The following PDE4D variants were observed in gnomAD, a reference collection of about 807,000 sequenced individuals.
PDE4D encodes 3',5'-cyclic-AMP phosphodiesterase 4D.
PDE4D carries 24 observed loss-of-function variants against 87.4 expected under a neutral mutation model. The observed-to-expected ratio is 0.27, with a 90% confidence interval of 0.20 to 0.39. The LOEUF is 0.39. Among genes scored for constraint, PDE4D ranks in the 10% least tolerant of loss-of-function variants. The probability of loss-of-function intolerance (pLI) is 1.00; values close to 1 mark genes in which losing one functional copy is unlikely to be tolerated. For synonymous variants in PDE4D, 384 were observed against 383.2 expected (o/e 1.00, Z -0.02); for missense variants, 714 against 1,041.0 (o/e 0.69, Z 4.32).
chr5:59,703,381 C>A (rs998581483), intron 1 of PDE4D, among the ~76,000 whole-genome samples: 2 of 152,044 alleles, frequency 1.3e-5, no homozygotes, highest in African/African-American at 4.8e-5. Flanking sequence ...GACTTTCAGA[C>A]AATAATTAAC....
At chr5:59,312,520 ATAAT>A (rs1394458945) in intron 1 of PDE4D, among the ~76,000 whole-genome samples, 1 of 152,202 alleles carries the variant, frequency 6.6e-6, no homozygotes, top group Non-Finnish European at 1.5e-5. Flanking sequence ...CTAAACTACA[ATAAT>A]TAGCCACCAT....
At chr5:59,779,895 C>T (rs1764437214) in intron 1 of PDE4D, among the ~76,000 whole-genome samples, 1 of 152,154 alleles carries the variant, frequency 6.6e-6, no homozygotes, top group African/African-American at 2.4e-5. Context: ...TTAATAGAAA[C>T]TGCCAAATTG....
At chr5:59,348,956 C>T (rs1780063902) in intron 1 of PDE4D, among the ~76,000 whole-genome samples, 1 of 152,010 alleles carries the variant, frequency 6.6e-6, no homozygotes, top group Non-Finnish European at 1.5e-5. Context: ...TAGGGTGCAC[C>T]TGTAGTCCTA....
chr5:59,841,379 G>C (rs1742973023), intron 1 of PDE4D, among the ~76,000 whole-genome samples: 1 of 152,084 alleles, frequency 6.6e-6, no homozygotes, highest in African/African-American at 2.4e-5. Flanking sequence ...TTAAAAGACT[G>C]TCAGTGGGGT....
chr5:59,126,507 G>A (rs1361750650), intron 5 of PDE4D, among the ~76,000 whole-genome samples: 1 of 152,146 alleles, frequency 6.6e-6, no homozygotes, highest in Non-Finnish European at 1.5e-5. Flanking sequence ...AGCTACCTTT[G>A]TGTATTTGAA....
At chr5:59,262,894 C>A (rs1762267170) in intron 1 of PDE4D, among the ~76,000 whole-genome samples, 2 of 151,796 alleles carry the variant, frequency 1.3e-5, no homozygotes, top group East Asian at 3.9e-4. Flanking sequence ...GTCATTCGAG[C>A]AGTCAGAAAA....
intron 1 of PDE4D, among the ~76,000 whole-genome samples, chr5:59,722,120 A>G (rs1286723782): frequency 6.6e-6 from 1 of 152,206 alleles, no homozygotes; most frequent in Non-Finnish European, 1.5e-5. Flanking sequence ...GAATATTCCC[A>G]TACCCTATAA....
chr5:59,866,987 C>T (rs1175595519), intron 1 of PDE4D, among the ~76,000 whole-genome samples: 1 of 152,164 alleles, frequency 6.6e-6, no homozygotes, highest in Non-Finnish European at 1.5e-5. Flanking sequence ...TAAAAGTCCT[C>T]CTGAGCACGT....
intron 1 of PDE4D, among the ~76,000 whole-genome samples, chr5:60,448,084 A>G (rs1469272121): frequency 6.6e-6 from 1 of 152,072 alleles, no homozygotes; most frequent in Non-Finnish European, 1.5e-5. Context: ...AATCTATTTG[A>G]TTCAAAATTC....
At chr5:59,722,336 C>T (rs1164934667) in intron 1 of PDE4D, among the ~76,000 whole-genome samples, 1 of 152,148 alleles carries the variant, frequency 6.6e-6, no homozygotes, top group East Asian at 1.9e-4. Context: ...TACATTCATC[C>T]TTGGAGATGA....
At chr5:59,362,935 C>A (rs1173039495) in intron 1 of PDE4D, among the ~76,000 whole-genome samples, 4 of 152,116 alleles carry the variant, frequency 2.6e-5, no homozygotes, top group Admixed American at 2.0e-4. Flanking sequence ...ATCTGGTTAT[C>A]CATTTGTTGG....
intron 1 of PDE4D, among the ~76,000 whole-genome samples, chr5:59,745,445 T>G (rs1759466798): frequency 6.6e-6 from 1 of 152,194 alleles, no homozygotes; most frequent in Non-Finnish European, 1.5e-5. Flanking sequence ...AGTAAAGAAC[T>G]GTGTTGATGT....
intron 2 of PDE4D, among the ~76,000 whole-genome samples, chr5:60,185,139 G>A (rs1160328248): frequency 1.3e-5 from 2 of 152,114 alleles, no homozygotes; most frequent in African/African-American, 4.8e-5. Context: ...GCTCATAGAA[G>A]GGAAGAACTT....
intron 5 of PDE4D, among the ~76,000 whole-genome samples, chr5:59,121,023 T>C (rs1434821433): frequency 1.3e-5 from 2 of 152,134 alleles, no homozygotes; most frequent in Non-Finnish European, 2.9e-5. Flanking sequence ...AGCAGAAGAA[T>C]GAAAGTAGAC....
chr5:59,687,615 T>A (rs1294839555), intron 1 of PDE4D, among the ~76,000 whole-genome samples: 1 of 152,102 alleles, frequency 6.6e-6, no homozygotes, highest in Non-Finnish European at 1.5e-5. Context: ...TGCAAAAACA[T>A]GCCAAATTGT....
At chr5:59,538,280 A>G (rs1815632512) in intron 1 of PDE4D, among the ~76,000 whole-genome samples, 2 of 151,798 alleles carry the variant, frequency 1.3e-5, no homozygotes, top group Non-Finnish European at 1.5e-5. Flanking sequence ...AAGCATGAGA[A>G]GTATTTATGA....
At chr5:59,595,158 C>T (rs900781626) in intron 1 of PDE4D, among the ~76,000 whole-genome samples, 1 of 152,126 alleles carries the variant, frequency 6.6e-6, no homozygotes, top group Non-Finnish European at 1.5e-5. Context: ...TTTGTAATGT[C>T]AATAGATTCC....
At chr5:59,124,989 T>C (rs1248420176) in intron 5 of PDE4D, among the ~76,000 whole-genome samples, 2 of 152,214 alleles carry the variant, frequency 1.3e-5, no homozygotes, top group African/African-American at 2.4e-5. Flanking sequence ...TCTTTTCTTT[T>C]TTTTTCAAAT....
intron 1 of PDE4D, among the ~76,000 whole-genome samples, chr5:60,276,270 G>C (rs1751356116): frequency 6.6e-6 from 1 of 152,078 alleles, no homozygotes; most frequent in Admixed American, 6.6e-5. Flanking sequence ...TCTCCTTTCA[G>C]TTCCATCAGG....
Sources: gnomAD v4.1 joint callset for allele counts (sites outside exome capture counted in the v4.1 genomes callset) on GRCh38, gnomAD v4.1.1 for gene constraint, MANE v1.5 for transcripts, NCBI Gene and HGNC (gene_info 2026-07-23, HGNC 2026-07-21) for gene names.